The following CNTNAP2 variants were observed in gnomAD, a reference collection of about 807,000 sequenced individuals.
CNTNAP2 encodes contactin-associated protein-like 2.
Under a neutral mutation model 155.2 loss-of-function variants are expected in CNTNAP2, and 98 were observed. That is an observed-to-expected ratio of 0.63 (90% confidence interval 0.54 to 0.75). The LOEUF (loss-of-function observed/expected upper bound fraction) is 0.75, where lower values mean the gene tolerates loss of function less well. CNTNAP2 is among the 30% of genes least tolerant of loss of function. The probability of loss-of-function intolerance (pLI) is 0.00; values close to 1 mark genes in which losing one functional copy is unlikely to be tolerated. For synonymous variants in CNTNAP2, 651 were observed against 631.2 expected (o/e 1.03, Z -0.47); for missense variants, 1,727 against 1,688.1 (o/e 1.02, Z -0.40).
intron 13 of CNTNAP2, among the ~76,000 whole-genome samples, chr7:147,897,544 G>A (rs976750628): frequency 2.0e-5 from 3 of 152,166 alleles, no homozygotes. Flanking sequence ...TGCAAAAAAT[G>A]AATATGATAA....
At chr7:147,873,160 A>T (rs1362217040) in intron 13 of CNTNAP2, among the ~76,000 whole-genome samples, 3 of 152,244 alleles carry the variant, frequency 2.0e-5, no homozygotes, top group Non-Finnish European at 4.4e-5. Context: ...AACTAAAATT[A>T]GTAACACTAA....
At chr7:148,259,641 A>G (rs11980146) in intron 20 of CNTNAP2, among the ~76,000 whole-genome samples, 53,827 of 152,118 alleles carry the variant, frequency 0.35, 9,752 homozygotes, top group Middle Eastern at 0.43. Context: ...AACCCACGCC[A>G]TTTAGGTATT....
chr7:148,356,610 A>G (rs1388127783), intron 21 of CNTNAP2, among the ~76,000 whole-genome samples: 3 of 152,190 alleles, frequency 2.0e-5, no homozygotes, highest in Non-Finnish European at 4.4e-5. Flanking sequence ...AGTGTCCTAT[A>G]TTACATTAAT....
At chr7:147,021,225 A>G (rs1584787561) in intron 3 of CNTNAP2, among the ~76,000 whole-genome samples, 3 of 150,760 alleles carry the variant, frequency 2.0e-5, no homozygotes, top group Non-Finnish European at 4.4e-5. Flanking sequence ...CTCATCAGCT[A>G]TCATTAGTGT....
intron 9 of CNTNAP2, among the ~76,000 whole-genome samples, chr7:147,357,604 C>T (rs1219183761): frequency 1.3e-5 from 2 of 152,062 alleles, no homozygotes; most frequent in African/African-American, 4.8e-5. Context: ...TAATTAGCAC[C>T]TGTTGACTAA....
intron 12 of CNTNAP2, among the ~76,000 whole-genome samples, chr7:147,615,091 C>CAAAA (rs71183021): frequency 8.1e-6 from 1 of 123,122 alleles, no homozygotes; most frequent in Non-Finnish European, 1.7e-5. Context: ...CCATCTTTAT[C>CAAAA]AAAAAAAAAA....
intron 13 of CNTNAP2, among the ~76,000 whole-genome samples, chr7:147,881,692 C>T (rs117709222): frequency 0.011 from 1,667 of 152,244 alleles, 88 homozygotes; most frequent in Admixed American, 0.091. Context: ...AAAAAGCAGG[C>T]CAGCACCGTG....
intron 13 of CNTNAP2, among the ~76,000 whole-genome samples, chr7:147,818,537 C>A (rs1798311453): frequency 1.3e-5 from 2 of 152,066 alleles, no homozygotes. Flanking sequence ...CCATGGGTGT[C>A]CTAAAAGGAA....
chr7:147,515,141 G>A (rs1362025779), intron 11 of CNTNAP2, among the ~76,000 whole-genome samples: 28 of 151,910 alleles, frequency 1.8e-4, no homozygotes, highest in Non-Finnish European at 2.9e-5. Context: ...AGGGCATGGC[G>A]TGTGCTGTTC....
At chr7:147,690,780 A>G (rs1796076697) in intron 13 of CNTNAP2, among the ~76,000 whole-genome samples, 1 of 152,146 alleles carries the variant, frequency 6.6e-6, no homozygotes, top group Non-Finnish European at 1.5e-5. Flanking sequence ...TTTGAATAAT[A>G]CAATTAATCA....
chr7:147,954,430 T>C (rs138204668), intron 14 of CNTNAP2, among the ~76,000 whole-genome samples: 245 of 152,038 alleles, frequency 1.6e-3, no homozygotes, highest in Non-Finnish European at 3.3e-3. Context: ...TTCACCATTA[T>C]ACAGAAGGAA....
At chr7:147,727,392 C>A (rs1156752906) in intron 13 of CNTNAP2, among the ~76,000 whole-genome samples, 1 of 151,996 alleles carries the variant, frequency 6.6e-6, no homozygotes, top group African/African-American at 2.4e-5. Context: ...CTCACCCTGG[C>A]CATGTTAATT....
At chr7:147,822,756 A>G (rs922748352) in intron 13 of CNTNAP2, among the ~76,000 whole-genome samples, 21 of 152,194 alleles carry the variant, frequency 1.4e-4, no homozygotes, top group Admixed American at 1.2e-3. Flanking sequence ...GCTGATGATT[A>G]TCATTGCGAT....
chr7:147,210,594 A>C (rs910977930), intron 8 of CNTNAP2, among the ~76,000 whole-genome samples: 1 of 151,720 alleles, frequency 6.6e-6, no homozygotes, highest in East Asian at 1.9e-4. Flanking sequence ...AATTTTGTTC[A>C]GTTCTCAGAT....
chr7:146,179,197 A>C (rs527899705), intron 1 of CNTNAP2, among the ~76,000 whole-genome samples: 1 of 152,290 alleles, frequency 6.6e-6, no homozygotes, highest in African/African-American at 2.4e-5. Context: ...TTTGGAGTGG[A>C]TAATGAAAGC....
intron 1 of CNTNAP2, among the ~76,000 whole-genome samples, chr7:146,673,311 G>C (rs1800340991): frequency 6.6e-6 from 1 of 151,978 alleles, no homozygotes; most frequent in Non-Finnish European, 1.5e-5. Flanking sequence ...GTTCATTTCA[G>C]TTTTAACTAA....
intron 15 of CNTNAP2, among the ~76,000 whole-genome samples, chr7:148,076,419 C>CTTATTTTTTT (rs1803486418): frequency 1.0e-5 from 1 of 99,896 alleles, no homozygotes; most frequent in South Asian, 4.0e-4. Context: ...ATAGCTCTGA[C>CTTATTTTTTT]TTCTTTTTTT....
intron 4 of CNTNAP2, among the ~76,000 whole-genome samples, chr7:147,107,935 GC>G (rs1448762641): frequency 6.6e-6 from 1 of 151,970 alleles, no homozygotes; most frequent in Non-Finnish European, 1.5e-5. Flanking sequence ...AACTGATAGA[GC>G]TTTTATGAGC....
chr7:147,486,923 G>A (rs942522565), intron 11 of CNTNAP2, among the ~76,000 whole-genome samples: 1 of 151,776 alleles, frequency 6.6e-6, no homozygotes, highest in African/African-American at 2.4e-5. Flanking sequence ...GTGTAGGGAA[G>A]GAAGAGCAAG....
Sources: allele counts gnomAD v4.1 joint callset (sites outside exome capture counted in the v4.1 genomes callset), GRCh38; gene constraint gnomAD v4.1.1; transcripts MANE v1.5; gene names NCBI Gene and HGNC (gene_info 2026-07-23, HGNC 2026-07-21).